The following MDP1 variants were observed in gnomAD, a reference collection of about 807,000 sequenced individuals.
MDP1 encodes magnesium dependent phosphatase 1, also known as magnesium-dependent phosphatase 1.
Under a neutral mutation model 21.6 loss-of-function variants are expected in MDP1, and 18 were observed. The ratio of observed to expected loss-of-function variants is 0.83; its 90% CI spans 0.58 to 1.24. MDP1 has a LOEUF of 1.24. MDP1 is among the 50% of genes most tolerant of loss of function. The probability of loss-of-function intolerance (pLI) is 0.00; values close to 1 mark genes in which losing one functional copy is unlikely to be tolerated. For synonymous variants in MDP1, 101 were observed against 83.2 expected (o/e 1.21, Z -1.16); for missense variants, 207 against 218.6 (o/e 0.95, Z 0.33).
In MDP1 at chr14:24,214,598, T is replaced by C. The variant is rs1321862969; in HGVS notation, c.211A>G (p.Thr71Ala). 3 of 1,614,206 alleles carry C rather than the reference T, an allele frequency of 1.9e-6. No homozygotes were observed. Among genetic ancestry groups the C allele is most frequent in the Non-Finnish European group, 2.5e-6 (3 of 1,180,036 alleles). ...LGVPGAAASR[T>A]SEIEGANQLL... is the part of the protein sequence containing the mutation. ...TGGTTGGCCCCTTCTATCTCACTTG[T>C]CCTGCAAAACGGTGTAAAAGATGGG... is the stretch of plus-strand genomic sequence containing the variant. Residue 71 changes from threonine to alanine, a missense_variant and splice_region_variant, in exon 4 of 6, where the codon ACA becomes GCA. Thr to Ala is a moderately conservative substitution (Grantham distance 58). Transcript: ENST00000288087.
In MDP1 at chr14:24,214,410, G is replaced by A. The variant is rs773364907; in HGVS notation, c.318-15C>T. 12 of 1,614,044 alleles carry A rather than the reference G, an allele frequency of 7.4e-6. No individual in the cohort carries two copies. Among genetic ancestry groups the A allele is most frequent in the Middle Eastern group, 1.6e-4 (1 of 6,084 alleles). ...TCTGCTGCAACCTATTCAAGACAGG[G>A]CAGGAGTAACCAAGCTAGTATCTTG... On this transcript the variant is annotated splice_polypyrimidine_tract_variant and intron_variant, in intron 4 of 5. Transcript: ENST00000288087.
Position 24,214,123 on chromosome 14 carries a change from T to C in MDP1, c.432A>G (p.Gly144=). The change falls in exon 6 of 6, where the codon GGA becomes GGG. Residue 144 remains glycine, a synonymous_variant. Coordinates refer to ENST00000288087, the MANE Select transcript of MDP1 (RefSeq NM_138476.4). ...LGVTCIHIQN[G]MNLQTLSQGL... ...CTTGACTTAGAGTTTGAAGATTCATTCCATTCTGGATGTGAATGCAGGTAA... is the reference window on the plus strand; with the variant it reads ...CTTGACTTAGAGTTTGAAGATTCATCCCATTCTGGATGTGAATGCAGGTAA... 4 of 1,613,240 alleles carry C rather than the reference T, an allele frequency of 2.5e-6. No homozygotes were observed. Among genetic ancestry groups the C allele is most frequent in the Non-Finnish European group, 3.4e-6 (4 of 1,179,710 alleles).
rs950161353 is a variant in MDP1 at position 24,214,209 on chromosome 14, G to A, written c.404-58C>T. 327 of 1,609,958 alleles carry A rather than the reference G, an allele frequency of 2.0e-4. 1 individual carries two copies. The African/African-American group carries it at 3.4e-3, about 17-fold the overall frequency. On this transcript the variant is annotated intron_variant, in intron 5 of 5. Coordinates refer to ENST00000288087, the MANE Select transcript of MDP1 (RefSeq NM_138476.4). The stretch of plus-strand genomic sequence containing the variant: ...TTTCAGGGTTCTCCATTATTACTCT[G>A]ACCTTTGTGAGTGCCACCTATAGGG...
intron 3 of MDP1, among the ~76,000 whole-genome samples, chr14:24,214,842 A>G (rs1997996): frequency 0.89 from 135,083 of 152,104 alleles, 60,075 homozygotes; most frequent in African/African-American, 0.92. Flanking sequence ...GAGTGCAGCG[A>G]CCCAATCACG....
chr14:24,215,102 TTGA>T lies in MDP1; in HGVS notation c.209+447_209+449del, dbSNP rs1355364533. ...CCCACTTTTTTTTTTTTTTTTTTTTTTGAGACATTGTCTCACTCTGTCACCCAG... is the reference window on the plus strand; with the variant it reads ...CCCACTTTTTTTTTTTTTTTTTTTTTGACATTGTCTCACTCTGTCACCCAG... On this transcript the variant is annotated intron_variant, in intron 3 of 5. Transcript: ENST00000288087. Among the ~76,000 whole-genome samples, 16 of 146,714 alleles carry T rather than the reference TTGA, an allele frequency of 1.1e-4. No individual in the cohort carries two copies. The South Asian group carries it at 3.6e-3, about 33-fold the overall frequency.
chr14:24,215,778 G>A lies in MDP1; in HGVS notation c.57C>T (p.Phe19=), dbSNP rs1264817120. The A allele has an allele frequency of 6.2e-7, 1 of 1,614,230 alleles. No homozygotes were observed. The highest frequency in any genetic ancestry group is 1.7e-5 in the Admixed American group (1 of 60,030). ...GAGGGTCTACGTGCGTGTCGACCCAGAAAGGCCAGAGAGTGTAATCTGCGA... is the reference window on the plus strand; with the variant it reads ...GAGGGTCTACGTGCGTGTCGACCCAAAAAGGCCAGAGAGTGTAATCTGCGA... ...VFDLDYTLWP[F]WVDTHVDPPF... The change falls in exon 2 of 6, where the codon TTC becomes TTT. Residue 19 remains phenylalanine, a synonymous_variant. Coordinates refer to ENST00000288087, the MANE Select transcript of MDP1 (RefSeq NM_138476.4).
At chr14:24,215,178 C>T (rs181948791) in intron 3 of MDP1, among the ~76,000 whole-genome samples, 288 of 150,354 alleles carry the variant, frequency 1.9e-3, no homozygotes, top group African/African-American at 6.3e-3. Flanking sequence ...CTCCGCCTCC[C>T]GGGTTCAAGC....
In MDP1 at chr14:24,215,987, T is replaced by TGGG; in HGVS notation, c.-35_-33dup. 6.2e-7 allele frequency: 1 copy of TGGG among 1,613,760 alleles called. No individual in the cohort carries two copies. The highest frequency in any genetic ancestry group is 8.5e-7 in the Non-Finnish European group (1 of 1,179,948). ...CACCGCAGGCTGCGCGCAGCAGAGGTGGGGCTTCACCCGGGGCCTTAGAGA... is the reference window on the plus strand; with the variant it reads ...CACCGCAGGCTGCGCGCAGCAGAGGTGGGGGGGCTTCACCCGGGGCCTTAGAGA... On this transcript the variant is annotated 5_prime_UTR_variant, in exon 1 of 6. Transcript: ENST00000288087.
At chr14:24,215,132 C>G (rs1329764850) in intron 3 of MDP1, among the ~76,000 whole-genome samples, 1 of 137,626 alleles carries the variant, frequency 7.3e-6, no homozygotes, top group Non-Finnish European at 1.5e-5. Flanking sequence ...GTCACCCAGG[C>G]TGAAGTGCAG....
In MDP1 at chr14:24,213,978, T is replaced by C; in HGVS notation, c.*46A>G. Reference sequence around the variant, plus strand: ...TCTGTCACACACAGATGAACTTTAATAAATTACAAATGCACCTGAAAATGC... The same window carrying C: ...TCTGTCACACACAGATGAACTTTAACAAATTACAAATGCACCTGAAAATGC... On this transcript the variant is annotated 3_prime_UTR_variant, in exon 6 of 6. Coordinates refer to ENST00000288087, the MANE Select transcript of MDP1 (RefSeq NM_138476.4). 6.5e-7 allele frequency: 1 copy of C among 1,537,466 alleles called. No individual in the cohort carries two copies.
At chr14:24,215,852 G>A in intron 1 of MDP1, 55 bp from the exon 2 acceptor site, 1 of 1,613,972 alleles carries the variant, frequency 6.2e-7, no homozygotes, top group Non-Finnish European at 8.5e-7. Context: ...GCAGGGATTC[G>A]GGAGCTGCTG....
At position 24,215,930 on chromosome 14, in the gene MDP1, A is replaced by C. The variant is rs1458727087; in HGVS notation, c.26T>G (p.Val9Gly). 5 of 1,614,070 alleles carry C rather than the reference A, an allele frequency of 3.1e-6. No homozygotes were observed. The South Asian group carries it at 5.5e-5, about 18-fold the overall frequency. MARLPKLA[V>G]FDLDYTLWPF... ...TTCCCGTCCCTCACCCAAATCAAAG[A>C]CTGCCAGCTTCGGTAGCCGCGCCAT... is the stretch of plus-strand genomic sequence containing the variant. Residue 9 changes from valine to glycine, a missense_variant, in exon 1 of 6, where the codon GTC (valine) becomes GGC (glycine). By Grantham distance (109) the Val-to-Gly change is moderately radical. Coordinates refer to ENST00000288087, the MANE Select transcript of MDP1 (RefSeq NM_138476.4).
Position 24,214,385 on chromosome 14 carries a change from T to G in MDP1, c.328A>C (p.Lys110Gln), listed in dbSNP as rs769182213. The change falls in exon 5 of 6, where the codon AAG becomes CAG. Residue 110 changes from lysine (K) to glutamine (Q), a missense_variant. Transcript: ENST00000288087. ...KITHFERLQQ[K>Q]TGIPFSQMIF... ...ATCTGGGAGAAAGGAATTCCAGTCT[T>G]CTGCTGCAACCTATTCAAGACAGGG... is the stretch of plus-strand genomic sequence containing the variant. The G allele has an allele frequency of 1.5e-5, 24 of 1,614,074 alleles. No individual in the cohort carries two copies. The highest frequency in any genetic ancestry group is 1.9e-5 in the Non-Finnish European group (23 of 1,180,030).
At chr14:24,214,683 C>G in intron 3 of MDP1, 84 bp from the exon 4 acceptor site, 2 of 1,469,182 alleles carry the variant, frequency 1.4e-6, no homozygotes, top group African/African-American at 1.4e-5. Flanking sequence ...GTAAGTATAA[C>G]CAGGGAAATC....
At position 24,215,998 on chromosome 14, in the gene MDP1, C is replaced by G; in HGVS notation, c.-43G>C. The G allele has an allele frequency of 6.2e-7, 1 of 1,613,528 alleles. No individual in the cohort carries two copies. The highest frequency in any genetic ancestry group is 1.1e-5 in the South Asian group (1 of 91,062). On this transcript the variant is annotated 5_prime_UTR_variant, in exon 1 of 6. Transcript: ENST00000288087. ...GCGCGCAGCAGAGGTGGGGCTTCAC[C>G]CGGGGCCTTAGAGAGTGCGGAACCT...
chr14:24,215,795 A>C lies in MDP1; in HGVS notation c.40T>G (p.Tyr14Asp), dbSNP rs779824118. Residue 14 changes from tyrosine to aspartate, a missense_variant and splice_region_variant, in exon 2 of 6, where the codon TAC (tyrosine) becomes GAC (aspartate). By Grantham distance (160) the Tyr-to-Asp change is radical. Coordinates refer to ENST00000288087, the MANE Select transcript of MDP1 (RefSeq NM_138476.4). ...LPKLAVFDLD[Y>D]TLWPFWVDTH... is the part of the protein sequence containing the mutation. ...TCGACCCAGAAAGGCCAGAGAGTGT[A>C]ATCTGCGAGAGGAAGGAGAGGGAAG... The C allele has an allele frequency of 6.2e-7, 1 of 1,614,222 alleles. No individual in the cohort carries two copies. The highest frequency in any genetic ancestry group is 1.1e-5 in the South Asian group (1 of 91,084).
At position 24,215,726 on chromosome 14, in the gene MDP1, C is replaced by T; in HGVS notation, c.98+11G>A. On this transcript the variant is annotated intron_variant, in intron 2 of 5. Coordinates refer to ENST00000288087, the MANE Select transcript of MDP1 (RefSeq NM_138476.4). ...CTATCTCGCCCCCAGTCTTCCCTGTCCCTACCTCACCTGCTCTTATGGAAC... is the reference window on the plus strand; with the variant it reads ...CTATCTCGCCCCCAGTCTTCCCTGTTCCTACCTCACCTGCTCTTATGGAAC... 6.2e-7 allele frequency: 1 copy of T among 1,614,180 alleles called. No individual in the cohort carries two copies. The highest frequency in any genetic ancestry group is 8.5e-7 in the Non-Finnish European group (1 of 1,180,032).
Position 24,215,997 on chromosome 14 carries a change from C to G in MDP1, c.-42G>C, listed in dbSNP as rs2039690681. ...TGCGCGCAGCAGAGGTGGGGCTTCA[C>G]CCGGGGCCTTAGAGAGTGCGGAACC... On this transcript the variant is annotated 5_prime_UTR_variant, in exon 1 of 6. Coordinates refer to ENST00000288087, the MANE Select transcript of MDP1 (RefSeq NM_138476.4). 6.2e-7 allele frequency: 1 copy of G among 1,613,602 alleles called. No individual in the cohort carries two copies. Among genetic ancestry groups the G allele is most frequent in the Non-Finnish European group, 8.5e-7 (1 of 1,179,916 alleles).
intron 3 of MDP1, 109 bp downstream of exon 3, chr14:24,215,443 T>G: frequency 1.6e-6 from 2 of 1,255,692 alleles, no homozygotes; most frequent in South Asian, 2.6e-5. Context: ...AAAAAATATG[T>G]AAATACTTGG....
Sources: gnomAD v4.1 joint callset for allele counts (sites outside exome capture counted in the v4.1 genomes callset) on GRCh38, gnomAD v4.1.1 for gene constraint, MANE v1.5 for transcripts, NCBI Gene and HGNC (gene_info 2026-07-23, HGNC 2026-07-21) for gene names.